OGG1: variants seen among roughly 807,000 people sequenced by gnomAD.
OGG1 encodes the protein N-glycosylase/DNA lyase.
In OGG1, 35 loss-of-function variants were observed where a neutral mutation model predicts 42.3. The observed-to-expected ratio is 0.83, with a 90% CI of 0.63 to 1.10. The LOEUF (loss-of-function observed/expected upper bound fraction) is 1.10. Among genes scored for constraint, OGG1 ranks in the 50% least tolerant of loss-of-function variants. The probability of loss-of-function intolerance (pLI) is 0.00; values close to 1 mark genes in which losing one functional copy is unlikely to be tolerated. For synonymous variants in OGG1, 189 were observed against 179.0 expected (o/e 1.06, Z -0.44); for missense variants, 484 against 446.7 (o/e 1.08, Z -0.75).
chr3:9,771,745 A>C (rs1030954927), intron 2 of OGG1, among the ~76,000 whole-genome samples: 1 of 150,084 alleles, frequency 6.7e-6, no homozygotes, highest in Non-Finnish European at 1.5e-5. Context: ...ATTCCTGTTC[A>C]TCTTGATGAC....
At chr3:9,752,827 G>T (rs2471897) in intron 3 of OGG1, among the ~76,000 whole-genome samples, 1 of 152,138 alleles carries the variant, frequency 6.6e-6, no homozygotes, top group Non-Finnish European at 1.5e-5. Context: ...GAGGCAGGCA[G>T]ATCATCTGAG....
chr3:9,780,496 G>C (rs2078433563), intron 2 of OGG1: 1 of 1,609,288 alleles, frequency 6.2e-7, no homozygotes, highest in African/African-American at 1.3e-5. Flanking sequence ...CTCGTTGTCA[G>C]CCATGCGCAC....
At chr3:9,789,134 C>T (rs2078682409), downstream of OGG1, among the ~76,000 whole-genome samples, 1 of 152,164 alleles carries the variant, frequency 6.6e-6, no homozygotes, top group Admixed American at 6.5e-5. Flanking sequence ...CTGCTCCCAG[C>T]CCAAGTTTTA....
exon 8 of OGG1, chr3:9,766,269 T>C (rs2078148672): frequency 4.3e-6 from 3 of 704,592 alleles, no homozygotes; most frequent in Non-Finnish European, 7.7e-6. Flanking sequence ...TGGCCAAATA[T>C]ATTTCCTGAT....
chr3:9,789,125 T>C (rs907418317), downstream of OGG1, among the ~76,000 whole-genome samples: 2 of 152,198 alleles, frequency 1.3e-5, no homozygotes, highest in African/African-American at 2.4e-5. Context: ...CATAAGCCAC[T>C]GCTCCCAGCC....
intron 3 of OGG1, among the ~76,000 whole-genome samples, chr3:9,752,931 C>T (rs1489990719): frequency 1.3e-5 from 2 of 151,932 alleles, no homozygotes; most frequent in African/African-American, 4.8e-5. Context: ...GGCACCTGTC[C>T]CAGCTACTCC....
At chr3:9,789,146 A>G (rs1348737087), downstream of OGG1, among the ~76,000 whole-genome samples, 1 of 152,136 alleles carries the variant, frequency 6.6e-6, no homozygotes, top group African/African-American at 2.4e-5. Context: ...CAAGTTTTAT[A>G]TCTTAAAGAA....
downstream of OGG1, chr3:9,757,850 G>C: frequency 6.3e-7 from 1 of 1,596,904 alleles, no homozygotes; most frequent in Non-Finnish European, 8.6e-7. This position sits in a 1 kb window ranked among gnomAD's most constrained non-coding sequence, Gnocchi z 4.5. Flanking sequence ...AGGCTTGCTG[G>C]CATTGAAGGC....
downstream of OGG1, chr3:9,759,618 C>G: frequency 6.2e-7 from 1 of 1,614,130 alleles, no homozygotes; most frequent in Non-Finnish European, 8.5e-7. Context: ...AGGGCAGAAG[C>G]AGACCTGAGG....
exon 4 of OGG1, chr3:9,788,161 A>G (rs2078659293): frequency 6.4e-6 from 1 of 155,226 alleles, no homozygotes; most frequent in Non-Finnish European, 1.4e-5. Context: ...CTATGGGAGG[A>G]TTCTCCCTCA....
chr3:9,790,306 A>T (rs533190845), downstream of OGG1, among the ~76,000 whole-genome samples: 9 of 152,328 alleles, frequency 5.9e-5, no homozygotes, highest in East Asian at 7.7e-4. Flanking sequence ...TCTCTCAATC[A>T]GTTACCCAGG....
chr3:9,758,079 A>G (rs2077672068), downstream of OGG1: 2 of 538,696 alleles, frequency 3.7e-6, no homozygotes, highest in Non-Finnish European at 6.2e-6. Context: ...ATAGAAACAT[A>G]ACTATAATTC....
intron 2 of OGG1, chr3:9,780,338 C>G: frequency 6.2e-7 from 1 of 1,600,782 alleles, no homozygotes; most frequent in South Asian, 1.1e-5. Flanking sequence ...AGATAATCAG[C>G]CTGAGGCAGG....
chr3:9,750,037 G>C lies in OGG1; in HGVS notation c.-250G>C. ...CTCTGGGGGCGGGAGAAGATAAGTCGCAAGGAGGGGGCGGGACCTACACCT... is the reference window on the plus strand; with the variant it reads ...CTCTGGGGGCGGGAGAAGATAAGTCCCAAGGAGGGGGCGGGACCTACACCT... On this transcript the variant is annotated 5_prime_UTR_variant, in exon 1 of 7. Transcript: ENST00000344629. The C allele has an allele frequency of 1.8e-6, 1 of 553,562 alleles. No individual in the cohort carries two copies. The highest frequency in any genetic ancestry group is 3.2e-6 in the Non-Finnish European group (1 of 311,332). 34.3% of individuals were successfully genotyped at this position (553,562 alleles called of 1,614,324 possible).
intron 7 of OGG1, among the ~76,000 whole-genome samples, chr3:9,763,666 C>T (rs935253340): frequency 6.6e-6 from 1 of 152,186 alleles, no homozygotes. Flanking sequence ...CAGTGAGCCA[C>T]TGCACCCAGC....
Position 9,757,384 on chromosome 3 carries a change from A to T in OGG1, c.*234A>T. 2 of 1,612,954 alleles carry T rather than the reference A, an allele frequency of 1.2e-6. No homozygotes were observed. The highest frequency in any genetic ancestry group is 1.7e-6 in the Non-Finnish European group (2 of 1,179,382). ...CCCTTTATTACAAGAAGGAACAATAAAATAGAAACATTTGTATGGAAAATG... is the reference window on the plus strand; with the variant it reads ...CCCTTTATTACAAGAAGGAACAATATAATAGAAACATTTGTATGGAAAATG... On this transcript the variant is annotated 3_prime_UTR_variant, in exon 7 of 7. Coordinates refer to ENST00000344629, the MANE Select transcript of OGG1 (RefSeq NM_002542.6). This position sits in a 1 kb window ranked among gnomAD's most constrained non-coding sequence, Gnocchi z 4.5.
At chr3:9,789,843 C>T (rs1436425552), downstream of OGG1, 1 of 1,614,256 alleles carries the variant, frequency 6.2e-7, no homozygotes, top group East Asian at 2.2e-5. Flanking sequence ...CCATGTCCTG[C>T]CTTCCCTTCC....
intron 3 of OGG1, among the ~76,000 whole-genome samples, chr3:9,786,010 C>T (rs1169688908): frequency 6.6e-6 from 1 of 151,832 alleles, no homozygotes; most frequent in East Asian, 1.9e-4. Context: ...ACAATTTCGG[C>T]TTACTGCAAG....
intron 1 of OGG1, 90 bp downstream of exon 1, chr3:9,750,513 G>A: frequency 6.4e-7 from 1 of 1,565,326 alleles, no homozygotes. Context: ...GAATTTGGGG[G>A]ATGATGGAAG....
Sources: gnomAD v4.1 joint callset for allele counts (sites outside exome capture counted in the v4.1 genomes callset) on GRCh38, gnomAD v4.1.1 for gene constraint, Gnocchi (gnomAD v3.1) non-coding constraint, MANE v1.5 for transcripts, NCBI Gene and HGNC (gene_info 2026-07-23, HGNC 2026-07-21) for gene names.